ROBO2: variants seen among roughly 807,000 people sequenced by gnomAD.
ROBO2 encodes the protein roundabout guidance receptor 2.
Under a neutral mutation model 160.8 loss-of-function variants are expected in ROBO2, and 53 were observed. The ratio of observed to expected loss-of-function variants is 0.33; its 90% CI spans 0.26 to 0.41. The LOEUF is 0.41. ROBO2 is among the 10% of genes least tolerant of loss of function. The pLI is 1.00. For missense variants in ROBO2, 1,577 were observed against 1,722.4 expected (o/e 0.92, Z 1.49); for synonymous variants, 664 against 611.7 (o/e 1.09, Z -1.26).
intron 5 of ROBO2, among the ~76,000 whole-genome samples, chr3:77,508,885 A>T (rs530167676): frequency 1.6e-4 from 25 of 152,216 alleles, no homozygotes; most frequent in South Asian, 8.3e-4. Flanking sequence ...CATCTAGGCA[A>T]CAGGGGTGCA....
At chr3:77,304,197 A>G (rs912085253) in intron 2 of ROBO2, among the ~76,000 whole-genome samples, 2 of 152,194 alleles carry the variant, frequency 1.3e-5, no homozygotes, top group Non-Finnish European at 2.9e-5. Flanking sequence ...TAGCAATTGG[A>G]GCAGAGTAAA....
At chr3:77,449,015 CT>C (rs926336947) in intron 2 of ROBO2, among the ~76,000 whole-genome samples, 3 of 151,854 alleles carry the variant, frequency 2.0e-5, no homozygotes, top group African/African-American at 7.3e-5. Flanking sequence ...AGTTTTAGCT[CT>C]TTAAGTTTTG....
chr3:77,047,222 G>C (rs1262047839), intron 1 of ROBO2, among the ~76,000 whole-genome samples: 1 of 152,172 alleles, frequency 6.6e-6, no homozygotes, highest in Non-Finnish European at 1.5e-5. Flanking sequence ...TTGCCTGTAA[G>C]GAAGAAGGAT....
In ROBO2 at chr3:77,583,152, C is replaced by CAAAAAAAAAAAAAAA. The variant is rs56827523; in HGVS notation, c.2500+3042_2500+3056dup. ...GTCACTGAGCGAGACTCTGTCTCTC[C>CAAAAAAAAAAAAAAA]AAAAAAAAAAAAAAAAAAAAAAGGA... On this transcript the variant is annotated intron_variant, in intron 16 of 25. Coordinates refer to ENST00000461745, the Ensembl canonical transcript of ROBO2. 3.7e-5 allele frequency among the ~76,000 whole-genome samples: 2 copies of CAAAAAAAAAAAAAAA among 53,770 alleles called. 1 individual carries two copies. The highest frequency in any genetic ancestry group is 6.7e-5 in the Non-Finnish European group (2 of 29,946). 35.3% of individuals were successfully genotyped at this position (53,770 alleles called of 152,430 possible). A position where few individuals can be genotyped will look rare whatever the true frequency, so the allele number is the denominator to read the frequency against.
At chr3:75,966,037 T>G (rs1241146154) in intron 2 of ROBO2, among the ~76,000 whole-genome samples, 1 of 151,746 alleles carries the variant, frequency 6.6e-6, no homozygotes, top group Admixed American at 6.6e-5. Flanking sequence ...AATTGCAGAA[T>G]CTTCATTATT....
intron 2 of ROBO2, among the ~76,000 whole-genome samples, chr3:76,312,708 T>C (rs1406227476): frequency 6.6e-6 from 1 of 152,254 alleles, no homozygotes; most frequent in Non-Finnish European, 1.5e-5. Flanking sequence ...TATGGTGTTA[T>C]TGATGTCAGG....
At position 77,181,898 on chromosome 3, in the gene ROBO2, A is replaced by G. The variant is rs1165064944; in HGVS notation, c.388+83558A>G. On this transcript the variant is annotated intron_variant, in intron 2 of 25. Transcript: ENST00000461745. ...TCAGTCAGCCATTACATAAGTAGGG[A>G]CAACTGTTAACATCTCTCTTACTGG... 2.0e-5 allele frequency among the ~76,000 whole-genome samples: 3 copies of G among 152,218 alleles called. No homozygotes were observed. The East Asian group carries it at 5.8e-4, about 29-fold the overall frequency.
intron 2 of ROBO2, among the ~76,000 whole-genome samples, chr3:77,105,168 C>T (rs1339145903): frequency 2.6e-5 from 4 of 152,136 alleles, no homozygotes; most frequent in Non-Finnish European, 4.4e-5. Flanking sequence ...TACTAGAAGT[C>T]AGTTAAGTAA....
At chr3:76,272,880 ATTT>A (rs1707597473) in intron 2 of ROBO2, among the ~76,000 whole-genome samples, 3 of 18,634 alleles carry the variant, frequency 1.6e-4, no homozygotes, top group African/African-American at 3.2e-4. Context: ...TATAATATAT[ATTT>A]ATATATAAAA....
chr3:76,062,005 A>G (rs2068084707), intron 2 of ROBO2, among the ~76,000 whole-genome samples: 1 of 152,102 alleles, frequency 6.6e-6, no homozygotes, highest in African/African-American at 2.4e-5. Context: ...TTCCCATTTT[A>G]AAGGACAATT....
chr3:76,461,732 T>G (rs17014224), intron 2 of ROBO2, among the ~76,000 whole-genome samples: 4,983 of 145,526 alleles, frequency 0.034, 247 homozygotes, highest in African/African-American at 0.11. Context: ...GAAAAACAAC[T>G]TAGACCTAAG....
At chr3:76,437,541 G>A (rs960382413) in intron 2 of ROBO2, among the ~76,000 whole-genome samples, 4 of 152,238 alleles carry the variant, frequency 2.6e-5, no homozygotes, top group South Asian at 2.1e-4. Context: ...ATTTTAAACC[G>A]TATTGAAAAA....
chr3:76,966,314 G>A (rs2059291979), intron 2 of ROBO2, among the ~76,000 whole-genome samples: 1 of 152,144 alleles, frequency 6.6e-6, no homozygotes, highest in African/African-American at 2.4e-5. Context: ...TATTTCTTGA[G>A]CCCCTAACAT....
chr3:76,356,480 A>G (rs2075172586), intron 2 of ROBO2, among the ~76,000 whole-genome samples: 1 of 151,668 alleles, frequency 6.6e-6, no homozygotes, highest in African/African-American at 2.4e-5. Context: ...AGAAAGCTAT[A>G]TCATACAAAA....
chr3:77,502,658 T>TA (rs1234048504), intron 5 of ROBO2, among the ~76,000 whole-genome samples: 3 of 152,088 alleles, frequency 2.0e-5, no homozygotes, highest in South Asian at 2.1e-4. Context: ...CCAATTCTGA[T>TA]AAAAAACATT....
intron 2 of ROBO2, among the ~76,000 whole-genome samples, chr3:76,635,155 G>T (rs1192344293): frequency 6.6e-6 from 1 of 152,156 alleles, no homozygotes; most frequent in African/African-American, 2.4e-5. Flanking sequence ...CTTGGGTTTT[G>T]CTGCCGTATG....
chr3:76,683,527 G>A (rs188175259), intron 2 of ROBO2, among the ~76,000 whole-genome samples: 1 of 149,490 alleles, frequency 6.7e-6, no homozygotes, highest in East Asian at 2.0e-4. Flanking sequence ...CAAGCATTAG[G>A]TTACAAGCTG....
At chr3:76,985,131 G>A (rs1362537164) in intron 2 of ROBO2, among the ~76,000 whole-genome samples, 2 of 151,926 alleles carry the variant, frequency 1.3e-5, no homozygotes, top group African/African-American at 2.4e-5. Flanking sequence ...CTCTTGCATA[G>A]TCTAGTACAC....
intron 2 of ROBO2, among the ~76,000 whole-genome samples, chr3:77,327,652 A>G (rs1172425930): frequency 6.6e-6 from 1 of 152,206 alleles, no homozygotes; most frequent in African/African-American, 2.4e-5. Context: ...GCCCAACTGA[A>G]GATAGAAGTG....
Sources: allele counts gnomAD v4.1 joint callset (sites outside exome capture counted in the v4.1 genomes callset), GRCh38; gene constraint gnomAD v4.1.1; transcripts MANE v1.5; gene names NCBI Gene and HGNC (gene_info 2026-07-23, HGNC 2026-07-21).